Variants in DCAF8L2 observed in about 807,000 individuals in gnomAD.
DCAF8L2 encodes DDB1 and CUL4 associated factor 8 like 2.
For synonymous variants in DCAF8L2, 200 were observed against 190.9 expected (o/e 1.05, Z -0.39); for missense variants, 430 against 490.7 (o/e 0.88, Z 1.17).
At chrX:27,695,277 T>C (rs1448795124) in intron 3 of DCAF8L2, among the ~76,000 whole-genome samples, 2 of 112,694 alleles carry the variant, frequency 1.8e-5, no homozygotes, top group Non-Finnish European at 3.7e-5. Flanking sequence ...TGAAGGTTAC[T>C]ATTATTTTTG....
upstream of DCAF8L2, among the ~76,000 whole-genome samples, chrX:27,588,117 C>T (rs1429110374): frequency 9.3e-6 from 1 of 107,382 alleles, no homozygotes; most frequent in Non-Finnish European, 1.9e-5. Flanking sequence ...TCCCGTCACC[C>T]AGGTAGCGAA....
chrX:27,636,852 C>A (rs1038222813), intron 2 of DCAF8L2, among the ~76,000 whole-genome samples: 3 of 111,965 alleles, frequency 2.7e-5, no homozygotes, highest in African/African-American at 9.7e-5. Context: ...GGCACCATAG[C>A]TAGATGCAGA....
the DCAF8L2 span, among the ~76,000 whole-genome samples, chrX:27,475,544 GT>G: frequency 1.8e-5 from 2 of 111,783 alleles, no homozygotes; most frequent in African/African-American, 6.5e-5. Context: ...TCCTGGATTT[GT>G]TTTGGATTAT....
chrX:27,652,058 T>C (rs1602700379), intron 2 of DCAF8L2, among the ~76,000 whole-genome samples: 1 of 110,261 alleles, frequency 9.1e-6, no homozygotes, highest in Non-Finnish European at 1.9e-5. Flanking sequence ...TTAATATTAA[T>C]TTATATTTAA....
intron 1 of DCAF8L2, among the ~76,000 whole-genome samples, chrX:27,594,694 C>T (rs745746428): frequency 5.7e-4 from 63 of 111,493 alleles, no homozygotes; most frequent in Non-Finnish European, 1.0e-3. Context: ...GTCATATTTA[C>T]TTTGTCTTGC....
chrX:27,674,180 C>G (rs1255646371), intron 2 of DCAF8L2, among the ~76,000 whole-genome samples: 3 of 111,285 alleles, frequency 2.7e-5, no homozygotes, highest in African/African-American at 9.8e-5. Context: ...TTTCTTATGC[C>G]TCAGTTTAAC....
intron 1 of DCAF8L2, among the ~76,000 whole-genome samples, chrX:27,593,116 G>T (rs1311058835): frequency 1.8e-5 from 2 of 111,672 alleles, no homozygotes; most frequent in Non-Finnish European, 3.8e-5. Context: ...CCATTTTTAA[G>T]CGCATAGTTC....
At chrX:27,638,853 A>C (rs1275448437) in intron 2 of DCAF8L2, among the ~76,000 whole-genome samples, 2 of 111,533 alleles carry the variant, frequency 1.8e-5, no homozygotes, top group African/African-American at 6.5e-5. Flanking sequence ...ATCCACCCCC[A>C]CCCAAAGAGT....
chrX:27,709,765 GTGGACTGTTTCTGTGGCTGGCATGTTCA>G (rs1292499520), intron 3 of DCAF8L2, among the ~76,000 whole-genome samples: 21 of 110,671 alleles, frequency 1.9e-4, no homozygotes, highest in Middle Eastern at 4.7e-3. Context: ...GTCCTTGTCT[GTGGACTGTTTCTGTGGCTGGCATGTTCA>G]TGGACTGTTT....
At chrX:27,534,693 G>A in the DCAF8L2 span, among the ~76,000 whole-genome samples, 2 of 112,041 alleles carry the variant, frequency 1.8e-5, no homozygotes, top group South Asian at 3.7e-4. Context: ...AGGCGATTTC[G>A]AAGACACTGA....
chrX:27,653,453 T>A (rs758111726), intron 2 of DCAF8L2, among the ~76,000 whole-genome samples: 2 of 111,154 alleles, frequency 1.8e-5, no homozygotes, highest in African/African-American at 6.5e-5. Context: ...TTTTTAAAAA[T>A]TCATTACAGT....
At chrX:27,709,280 T>C (rs1001738655) in intron 3 of DCAF8L2, among the ~76,000 whole-genome samples, 4 of 112,827 alleles carry the variant, frequency 3.5e-5, no homozygotes, top group African/African-American at 1.3e-4. Flanking sequence ...GCTAGTTCTC[T>C]TCACTGGACC....
the DCAF8L2 span, among the ~76,000 whole-genome samples, chrX:27,564,389 A>G: frequency 9.0e-6 from 1 of 111,693 alleles, no homozygotes; most frequent in East Asian, 2.8e-4. Context: ...GTCAAACCAT[A>G]TCAGCATATT....
the DCAF8L2 span, among the ~76,000 whole-genome samples, chrX:27,576,726 G>A: frequency 1.8e-5 from 2 of 111,985 alleles, no homozygotes; most frequent in Non-Finnish European, 3.8e-5. Flanking sequence ...GTTATAAAAA[G>A]TAATTTCTGG....
chrX:27,531,957 A>G, the DCAF8L2 span, among the ~76,000 whole-genome samples: 162 of 111,693 alleles, frequency 1.5e-3, 1 homozygote, highest in Non-Finnish European at 2.5e-3. Context: ...CCTTGCTAAA[A>G]TTATCATGAG....
chrX:27,658,975 C>A (rs1315981195), intron 2 of DCAF8L2, among the ~76,000 whole-genome samples: 2 of 111,861 alleles, frequency 1.8e-5, no homozygotes, highest in African/African-American at 3.2e-5. Context: ...ATAATTCTCG[C>A]CCCCACCTGC....
intron 3 of DCAF8L2, among the ~76,000 whole-genome samples, chrX:27,713,585 T>C (rs1931599817): frequency 8.9e-6 from 1 of 111,963 alleles, no homozygotes; most frequent in Non-Finnish European, 1.9e-5. Flanking sequence ...GTATTAATGT[T>C]AGAAGTAACA....
the DCAF8L2 span, among the ~76,000 whole-genome samples, chrX:27,512,236 A>C: frequency 8.9e-6 from 1 of 111,760 alleles, no homozygotes; most frequent in African/African-American, 3.3e-5. Context: ...ATGCCACTGC[A>C]CTACACCATA....
At chrX:27,509,401 T>A in the DCAF8L2 span, among the ~76,000 whole-genome samples, 1 of 112,197 alleles carries the variant, frequency 8.9e-6, no homozygotes, top group Non-Finnish European at 1.9e-5. Context: ...TAAAAACCTC[T>A]TTCAACTTTG....
Sources: allele counts gnomAD v4.1 joint callset (sites outside exome capture counted in the v4.1 genomes callset), GRCh38; gene constraint gnomAD v4.1.1; transcripts MANE v1.5; gene names NCBI Gene and HGNC (gene_info 2026-07-23, HGNC 2026-07-21).